Variants in NCAM2 observed in about 807,000 individuals in gnomAD.
NCAM2 encodes neural cell adhesion molecule 2.
A neutral mutation model predicts 98.1 loss-of-function variants in NCAM2; 30 were observed. That is an observed-to-expected ratio of 0.31 (90% CI 0.23 to 0.41). The LOEUF (loss-of-function observed/expected upper bound fraction) is 0.41. NCAM2 is among the 10% of genes least tolerant of loss of function. NCAM2 has a pLI of 1.00. For synonymous variants in NCAM2, 368 were observed against 342.4 expected, an observed-to-expected ratio of 1.07 and a Z score of -0.83; for missense variants, 867 against 1,005.8, an observed-to-expected ratio of 0.86 and a Z score of 1.87.
At chr21:21,406,508 T>C (rs182028902) in intron 9 of NCAM2, among the ~76,000 whole-genome samples, 30 of 152,252 alleles carry the variant, frequency 2.0e-4, no homozygotes, top group Non-Finnish European at 4.0e-4. Flanking sequence ...AGTTGAAAAG[T>C]GGGCTAAGAA....
intron 1 of NCAM2, among the ~76,000 whole-genome samples, chr21:21,128,429 G>A (rs928553039): frequency 6.6e-6 from 1 of 152,108 alleles, no homozygotes; most frequent in Non-Finnish European, 1.5e-5. Context: ...AGCAGAGAGG[G>A]TGACTGATGT....
chr21:21,155,403 T>C (rs955573780), intron 1 of NCAM2, among the ~76,000 whole-genome samples: 16 of 151,752 alleles, frequency 1.1e-4, no homozygotes, highest in Middle Eastern at 3.2e-3. Context: ...TATTTATATA[T>C]GTGTCAAAGT....
chr21:21,445,664 T>A (rs1980012203), intron 12 of NCAM2, among the ~76,000 whole-genome samples: 1 of 151,106 alleles, frequency 6.6e-6, no homozygotes, highest in Non-Finnish European at 1.5e-5. Context: ...AACTCCTGCT[T>A]TTTTTTTTCT....
intron 15 of NCAM2, among the ~76,000 whole-genome samples, chr21:21,502,174 T>G (rs183522574): frequency 3.9e-5 from 6 of 152,050 alleles, no homozygotes; most frequent in Admixed American, 1.3e-4. Context: ...CTTTAGACTA[T>G]ACTCATGCCT....
chr21:21,222,001 A>G (rs148614259), intron 1 of NCAM2, among the ~76,000 whole-genome samples: 4 of 152,138 alleles, frequency 2.6e-5, no homozygotes, highest in Admixed American at 1.3e-4. Flanking sequence ...CTTATTTACC[A>G]TTTTGAAAGT....
At chr21:21,187,313 A>C (rs534922414) in intron 1 of NCAM2, among the ~76,000 whole-genome samples, 4 of 152,140 alleles carry the variant, frequency 2.6e-5, no homozygotes, top group Admixed American at 2.6e-4. Flanking sequence ...GCACTATTTA[A>C]TTTTACTAGA....
chr21:21,011,038 C>G (rs1056407348), intron 1 of NCAM2, among the ~76,000 whole-genome samples: 1 of 151,798 alleles, frequency 6.6e-6, no homozygotes, highest in Non-Finnish European at 1.5e-5. Flanking sequence ...AAAAAGATAC[C>G]CAGAATGTAT....
At chr21:21,015,465 C>T (rs1194403168) in intron 1 of NCAM2, among the ~76,000 whole-genome samples, 1 of 152,190 alleles carries the variant, frequency 6.6e-6, no homozygotes, top group Admixed American at 6.5e-5. Flanking sequence ...CCACTGAAGG[C>T]TTAGATGATC....
intron 15 of NCAM2, among the ~76,000 whole-genome samples, chr21:21,490,285 T>G (rs1986741890): frequency 6.6e-6 from 1 of 152,064 alleles, no homozygotes. Flanking sequence ...TTAGTGTTTC[T>G]GAGATGGTCT....
chr21:21,467,373 T>C, intron 13 of NCAM2, among the ~76,000 whole-genome samples: 1 of 132,092 alleles, frequency 7.6e-6, no homozygotes, highest in East Asian at 2.0e-4. Context: ...CTGCCTGATA[T>C]ATATATCTTT....
intron 1 of NCAM2, among the ~76,000 whole-genome samples, chr21:21,244,751 G>A (rs1470170857): frequency 6.7e-6 from 1 of 149,944 alleles, no homozygotes; most frequent in African/African-American, 2.5e-5. Flanking sequence ...GGAGTCTGAG[G>A]CAGGAGAATC....
At chr21:21,212,457 T>C (rs1466179768) in intron 1 of NCAM2, among the ~76,000 whole-genome samples, 1 of 152,174 alleles carries the variant, frequency 6.6e-6, no homozygotes, top group African/African-American at 2.4e-5. Flanking sequence ...ATTGTGATGA[T>C]GGCAATGTTT....
Position 21,062,720 on chromosome 21 carries a change from G to A in NCAM2, c.55+64102G>A, listed in dbSNP as rs191825032. On this transcript the variant is annotated intron_variant, in intron 1 of 17. Coordinates refer to ENST00000400546, the MANE Select transcript of NCAM2 (RefSeq NM_004540.5). The stretch of plus-strand genomic sequence containing the variant: ...TTTTGAAAGACAAAATGTATTGTTT[G>A]TTTTTAATTTTTATAGTGATAAAGA... Among the ~76,000 whole-genome samples, 390 of 152,196 alleles carry A rather than the reference G, an allele frequency of 2.6e-3. 2 individuals carry two copies. Among genetic ancestry groups the A allele is most frequent in the Non-Finnish European group, 3.2e-3 (218 of 67,982 alleles).
At chr21:21,380,207 C>T (rs1379124650) in intron 9 of NCAM2, among the ~76,000 whole-genome samples, 1 of 152,130 alleles carries the variant, frequency 6.6e-6, no homozygotes, top group African/African-American at 2.4e-5. Context: ...CAGTATTAAC[C>T]ATCACAGTAT....
At chr21:21,243,208 G>A (rs1424750256) in intron 1 of NCAM2, among the ~76,000 whole-genome samples, 1 of 152,130 alleles carries the variant, frequency 6.6e-6, no homozygotes, top group African/African-American at 2.4e-5. Context: ...TTTCAGTATT[G>A]TCCCAGAGGT....
chr21:21,162,670 A>G (rs978158668), intron 1 of NCAM2, among the ~76,000 whole-genome samples: 1 of 152,134 alleles, frequency 6.6e-6, no homozygotes, highest in Non-Finnish European at 1.5e-5. Flanking sequence ...TATGTTTGAC[A>G]TATGTACTTA....
At chr21:21,215,775 T>G (rs1568782052) in intron 1 of NCAM2, among the ~76,000 whole-genome samples, 1 of 152,102 alleles carries the variant, frequency 6.6e-6, no homozygotes, top group South Asian at 2.1e-4. Flanking sequence ...TGTGTGTATG[T>G]ACATGCATGC....
At chr21:21,536,091 T>A (rs891527505) in intron 17 of NCAM2, among the ~76,000 whole-genome samples, 2 of 152,148 alleles carry the variant, frequency 1.3e-5, no homozygotes, top group Non-Finnish European at 2.9e-5. Context: ...TCAGTACTTG[T>A]GAATGCTAAA....
intron 1 of NCAM2, among the ~76,000 whole-genome samples, chr21:21,205,528 C>T (rs750989868): frequency 2.3e-4 from 35 of 151,892 alleles, no homozygotes; most frequent in Admixed American, 3.9e-4. Context: ...ATTATAAAGC[C>T]TACACTTTTT....
Sources: allele counts gnomAD v4.1 joint callset (sites outside exome capture counted in the v4.1 genomes callset), GRCh38; gene constraint gnomAD v4.1.1; transcripts MANE v1.5; gene names NCBI Gene and HGNC (gene_info 2026-07-23, HGNC 2026-07-21).